The following GABPB1 variants were observed in gnomAD, a reference collection of about 807,000 sequenced individuals.
The protein encoded by GABPB1 is GA-binding protein subunit beta-1.
Under a neutral mutation model 45.9 loss-of-function variants are expected in GABPB1, and 15 were observed. The observed-to-expected ratio is 0.33, with a 90% confidence interval of 0.22 to 0.50. The LOEUF (loss-of-function observed/expected upper bound fraction) is 0.50, where lower values mean the gene tolerates loss of function less well. Ranked by LOEUF, GABPB1 falls within the 20% of genes least tolerant of loss-of-function variation. The pLI is 0.98. For missense variants in GABPB1, 252 were observed against 457.5 expected (o/e 0.55, Z 4.10); for synonymous variants, 143 against 154.4 (o/e 0.93, Z 0.55).
chr15:50,346,882 C>G (rs537988468), intron 1 of GABPB1, among the ~76,000 whole-genome samples: 4 of 151,802 alleles, frequency 2.6e-5, no homozygotes, highest in East Asian at 3.9e-4. Flanking sequence ...CCGCCCCCCC[C>G]AGGTTCAAGC....
chr15:50,284,212 T>C (rs1226643975), intron 8 of GABPB1, among the ~76,000 whole-genome samples: 1 of 152,210 alleles, frequency 6.6e-6, no homozygotes, highest in Non-Finnish European at 1.5e-5. Flanking sequence ...AGGAAATTAT[T>C]ACCTGGTTTG....
At chr15:50,351,643 G>A (rs1489727316) in intron 1 of GABPB1, 2 of 129,944 alleles carry the variant, frequency 1.5e-5, no homozygotes, top group Non-Finnish European at 3.2e-5. Flanking sequence ...AGGGACAGAG[G>A]GAGAAGGAGA....
At chr15:50,338,421 A>T (rs1354600000) in intron 1 of GABPB1, among the ~76,000 whole-genome samples, 1 of 151,962 alleles carries the variant, frequency 6.6e-6, no homozygotes, top group Non-Finnish European at 1.5e-5. Context: ...ATATACAGTT[A>T]CTCCCAAACA....
chr15:50,289,465 T>C lies in GABPB1; in HGVS notation c.883+18A>G, dbSNP rs113850463. On this transcript the variant is annotated intron_variant, in intron 7 of 8. Transcript: ENST00000380877. ...AAAAAAAAAACATACAAACTTTATATAAATGTCTACTACTAACCTTGTTGT... is the reference window on the plus strand; with the variant it reads ...AAAAAAAAAACATACAAACTTTATACAAATGTCTACTACTAACCTTGTTGT... The C allele has an allele frequency of 1.0e-5, 15 of 1,487,794 alleles. No individual in the cohort carries two copies. In the African/African-American group the frequency reaches 1.4e-4, roughly 14 times the overall value. 92.2% of individuals were successfully genotyped at this position (1,487,794 alleles called of 1,614,324 possible).
chr15:50,349,108 C>T (rs1414535172), intron 1 of GABPB1: 1 of 152,082 alleles, frequency 6.6e-6, no homozygotes, highest in Admixed American at 6.5e-5. Flanking sequence ...AATAACTCAT[C>T]TTGTGGTAAA....
In GABPB1 at chr15:50,354,553, C is replaced by A. The variant is rs1290847735; in HGVS notation, c.-1+432G>T. On this transcript the variant is annotated intron_variant, in intron 1 of 8. Coordinates refer to ENST00000380877, the MANE Select transcript of GABPB1 (RefSeq NM_016654.5). ...CGCGGCGCCAGAGGCCGAGGCCCAG[C>A]CGCGCCTGCCTTCCTCTTTCTCCCG... 6.7e-6 allele frequency: 3 copies of A among 448,346 alleles called. No individual in the cohort carries two copies. The East Asian group carries it at 2.3e-4, about 34-fold the overall frequency. 27.8% of individuals were successfully genotyped at this position (448,346 alleles called of 1,614,324 possible).
At chr15:50,305,617 C>T (rs1037610902) in intron 2 of GABPB1, among the ~76,000 whole-genome samples, 3 of 152,162 alleles carry the variant, frequency 2.0e-5, no homozygotes, top group Admixed American at 2.0e-4. Context: ...TTTAACTAGC[C>T]TTTTCTATAC....
chr15:50,305,909 A>G (rs1244156768), intron 2 of GABPB1, among the ~76,000 whole-genome samples: 1 of 151,906 alleles, frequency 6.6e-6, no homozygotes, highest in African/African-American at 2.4e-5. Context: ...AGCCTCCCGA[A>G]GTGCTGGGAT....
intron 1 of GABPB1, among the ~76,000 whole-genome samples, chr15:50,332,386 T>A (rs1047821386): frequency 1.3e-5 from 2 of 152,180 alleles, no homozygotes; most frequent in African/African-American, 4.8e-5. Flanking sequence ...TTAAAAGACA[T>A]AAGCAACACA....
chr15:50,318,907 G>A (rs998341984), intron 1 of GABPB1, among the ~76,000 whole-genome samples: 8 of 152,130 alleles, frequency 5.3e-5, no homozygotes, highest in African/African-American at 1.9e-4. Context: ...ATATGCACAC[G>A]CATTTCCTTT....
intron 6 of GABPB1, 87 bp from the exon 7 acceptor site, chr15:50,289,755 C>A: frequency 2.3e-5 from 22 of 967,192 alleles, no homozygotes; most frequent in Non-Finnish European, 3.3e-5. Context: ...CTTTTGCTTT[C>A]TATGCTTCTT....
intron 1 of GABPB1, among the ~76,000 whole-genome samples, chr15:50,346,587 G>GTTTTTTTTT (rs67151288): frequency 8.3e-6 from 1 of 119,904 alleles, no homozygotes; most frequent in Non-Finnish European, 1.7e-5. Context: ...ACAACAGAAA[G>GTTTTTTTTT]TTTTTTTTTT....
chr15:50,323,076 C>T (rs754427026), intron 1 of GABPB1, among the ~76,000 whole-genome samples: 2 of 152,024 alleles, frequency 1.3e-5, no homozygotes, highest in African/African-American at 4.8e-5. Flanking sequence ...AACTCTATTA[C>T]GAAAATTAAT....
At chr15:50,354,328 G>A in intron 1 of GABPB1, 1 of 447,088 alleles carries the variant, frequency 2.2e-6, no homozygotes, top group Non-Finnish European at 4.5e-6. Context: ...CAGTCCCCGC[G>A]GCCAAGGCTG....
intron 8 of GABPB1, among the ~76,000 whole-genome samples, chr15:50,284,576 C>G (rs1254554294): frequency 1.3e-5 from 2 of 152,088 alleles, no homozygotes; most frequent in African/African-American, 2.4e-5. Context: ...AGAAATCAGG[C>G]TGAACTTTGA....
intron 6 of GABPB1, among the ~76,000 whole-genome samples, chr15:50,292,369 T>C (rs997592207): frequency 6.6e-6 from 1 of 151,290 alleles, no homozygotes; most frequent in Non-Finnish European, 1.5e-5. Flanking sequence ...ATGTAATAAT[T>C]CATTCAAGCA....
rs1350163040 is a variant in GABPB1 at position 50,275,485 on chromosome 15, A to T, written c.*3147T>A. 1 of 152,238 alleles carries T rather than the reference A, an allele frequency of 6.6e-6. No individual in the cohort carries two copies. The highest frequency in any genetic ancestry group is 1.5e-5 in the Non-Finnish European group (1 of 68,038). The allele number at this position is 152,238 out of a possible 1,614,324, so 9.4% of individuals were successfully genotyped here. On this transcript the variant is annotated 3_prime_UTR_variant, in exon 9 of 9. Transcript: ENST00000380877. The stretch of plus-strand genomic sequence containing the variant: ...AAACCCATCCTAAGTCAAAAATATC[A>T]TAAATGTAAAATGCAATTAATACCC...
chr15:50,337,118 TATATATATATA>T (rs1463584550), intron 1 of GABPB1, among the ~76,000 whole-genome samples: 573 of 8,122 alleles, frequency 0.071, 33 homozygotes, highest in African/African-American at 0.27. Flanking sequence ...TATATATATA[TATATATATATA>T]ATATGAAGAG....
intron 2 of GABPB1, among the ~76,000 whole-genome samples, chr15:50,305,782 G>A (rs757063510): frequency 2.0e-4 from 31 of 151,678 alleles, no homozygotes; most frequent in Non-Finnish European, 3.8e-4. Context: ...ATATATGCAG[G>A]GTTTTTTGTT....
Sources: gnomAD v4.1 joint callset for allele counts (sites outside exome capture counted in the v4.1 genomes callset) on GRCh38, gnomAD v4.1.1 for gene constraint, MANE v1.5 for transcripts, NCBI Gene and HGNC (gene_info 2026-07-23, HGNC 2026-07-21) for gene names.